Variants in SSBP3 observed in about 807,000 individuals in gnomAD.
SSBP3 encodes the protein single stranded DNA binding protein 3.
A neutral mutation model predicts 69.6 loss-of-function variants in SSBP3; 5 were observed. That is an observed-to-expected ratio of 0.07 (90% confidence interval 0.04 to 0.15). SSBP3 has a LOEUF of 0.15. Among genes scored for constraint, SSBP3 ranks in the 10% least tolerant of loss-of-function variants. SSBP3 has a pLI of 1.00. For synonymous variants in SSBP3, 196 were observed against 193.4 expected (o/e 1.01, Z -0.11); for missense variants, 312 against 534.0 (o/e 0.58, Z 4.10).
At chr1:54,253,924 T>G (rs588698) in intron 7 of SSBP3, among the ~76,000 whole-genome samples, 9,069 of 152,300 alleles carry the variant, frequency 0.06, 295 homozygotes, top group Non-Finnish European at 0.069. Flanking sequence ...GTGTCGGAAC[T>G]CCAGGAGCAA....
At chr1:54,329,888 G>C (rs1216035018) in intron 4 of SSBP3, among the ~76,000 whole-genome samples, 1 of 152,156 alleles carries the variant, frequency 6.6e-6, no homozygotes, top group Non-Finnish European at 1.5e-5. Context: ...GGAGGGGAGA[G>C]GAACACTGGA....
intron 4 of SSBP3, among the ~76,000 whole-genome samples, chr1:54,335,436 C>A (rs1267763471): frequency 6.6e-6 from 1 of 152,170 alleles, no homozygotes; most frequent in African/African-American, 2.4e-5. Flanking sequence ...AAACCACCTT[C>A]CAGACTCTGG....
At chr1:54,254,346 G>A (rs1408316030) in intron 7 of SSBP3, among the ~76,000 whole-genome samples, 1 of 152,176 alleles carries the variant, frequency 6.6e-6, no homozygotes, top group Non-Finnish European at 1.5e-5. Context: ...CCTCTGCCGA[G>A]ATGTGTGTGG....
At chr1:54,261,195 C>T (rs1411594403) in intron 5 of SSBP3, among the ~76,000 whole-genome samples, 1 of 152,202 alleles carries the variant, frequency 6.6e-6, no homozygotes, top group South Asian at 2.1e-4. Flanking sequence ...GGCAGAGATC[C>T]GTGTTTGTGG....
intron 5 of SSBP3, 148 bp downstream of exon 5, chr1:54,281,289 TG>T: frequency 1.6e-6 from 1 of 643,142 alleles, no homozygotes; most frequent in Non-Finnish European, 2.7e-6. Context: ...TTGAAAGGGA[TG>T]GGAAGGGAAG....
At chr1:54,300,546 C>T (rs1277497222) in intron 4 of SSBP3, among the ~76,000 whole-genome samples, 2 of 152,212 alleles carry the variant, frequency 1.3e-5, no homozygotes, top group African/African-American at 4.8e-5. Flanking sequence ...GAGTACCGCA[C>T]AGGCCTGTAC....
intron 5 of SSBP3, among the ~76,000 whole-genome samples, chr1:54,259,809 A>G (rs972744109): frequency 6.0e-4 from 92 of 152,220 alleles, no homozygotes; most frequent in African/African-American, 2.2e-3. Flanking sequence ...GGAGCTGCTC[A>G]CTTCCGGAAA....
chr1:54,312,947 G>A (rs1439833901), intron 4 of SSBP3, among the ~76,000 whole-genome samples: 1 of 152,088 alleles, frequency 6.6e-6, no homozygotes, highest in Non-Finnish European at 1.5e-5. Flanking sequence ...AGGAGGGGGT[G>A]GGATGGGAAG....
chr1:54,257,270 A>G, intron 6 of SSBP3, 84 bp from the exon 7 acceptor site: 1 of 1,245,178 alleles, frequency 8.0e-7, no homozygotes, highest in Non-Finnish European at 1.1e-6. Context: ...CACAAAGTCC[A>G]GTTTTGTTAT....
intron 4 of SSBP3, among the ~76,000 whole-genome samples, chr1:54,330,801 A>G (rs940048814): frequency 7.2e-5 from 11 of 152,314 alleles, no homozygotes; most frequent in African/African-American, 2.6e-4. Flanking sequence ...CCAGGCAGCA[A>G]AGAGACACCC....
At position 54,310,846 on chromosome 1, in the gene SSBP3, C is replaced by T. The variant is rs900164867; in HGVS notation, c.277-29319G>A. Among the ~76,000 whole-genome samples the T allele has an allele frequency of 2.0e-5, 3 of 152,198 alleles. No individual in the cohort carries two copies. The South Asian group carries it at 6.2e-4, about 32-fold the overall frequency. On this transcript the variant is annotated intron_variant, in intron 4 of 17. Coordinates refer to ENST00000610401, the Ensembl canonical transcript of SSBP3. Reference sequence around the variant, plus strand: ...GTGAGGATGGGGGGAGAACCACCCCCGCTTTATGCAGTGAGGGAGCTGAGC... The same window carrying T: ...GTGAGGATGGGGGGAGAACCACCCCTGCTTTATGCAGTGAGGGAGCTGAGC...
At chr1:54,402,084 C>G in intron 3 of SSBP3, 139 bp from the exon 4 acceptor site, 1 of 673,506 alleles carries the variant, frequency 1.5e-6, no homozygotes. Flanking sequence ...ATTGGGCAAA[C>G]AGCCTAGAAA....
At chr1:54,313,922 C>T (rs1014121105) in intron 4 of SSBP3, among the ~76,000 whole-genome samples, 4 of 146,090 alleles carry the variant, frequency 2.7e-5, no homozygotes, top group African/African-American at 1.1e-4. Flanking sequence ...GCCCACCACA[C>T]CTGGCTAATT....
intron 4 of SSBP3, among the ~76,000 whole-genome samples, chr1:54,288,757 AC>A (rs1645539267): frequency 6.6e-6 from 1 of 152,100 alleles, no homozygotes; most frequent in African/African-American, 2.4e-5. Context: ...GGTTCAAAAA[AC>A]AAAACCACAG....
chr1:54,268,081 G>A (rs574682386), intron 5 of SSBP3, among the ~76,000 whole-genome samples: 66 of 152,280 alleles, frequency 4.3e-4, no homozygotes, highest in African/African-American at 1.4e-3. Context: ...TGTGCCCCAC[G>A]GGGAGAGTCC....
intron 4 of SSBP3, among the ~76,000 whole-genome samples, chr1:54,305,607 G>T (rs11206327): frequency 0.075 from 10,504 of 140,834 alleles, 611 homozygotes; most frequent in South Asian, 0.2. Flanking sequence ...CCATCATTTA[G>T]TTATTTTTCT....
At chr1:54,242,949 C>A (rs546656810) in intron 10 of SSBP3, 33 of 346,972 alleles carry the variant, frequency 9.5e-5, no homozygotes, top group Non-Finnish European at 1.6e-4. Flanking sequence ...GACTCTGTCT[C>A]AAAAAAAATA....
Position 54,258,524 on chromosome 1 carries a change from C to A in SSBP3, c.367-375G>T, listed in dbSNP as rs1175359730. ...GTACAATGATGCACAGACACAGGGA[C>A]CCAGGTGCAAAGCACGTAGGTGCCG... On this transcript the variant is annotated intron_variant, in intron 5 of 17. Transcript: ENST00000610401. This position sits in a 1 kb window ranked among gnomAD's most constrained non-coding sequence, Gnocchi z 4.5. Among the ~76,000 whole-genome samples the A allele has an allele frequency of 6.6e-6, 1 of 152,132 alleles. No homozygotes were observed. Among genetic ancestry groups the A allele is most frequent in the African/African-American group, 2.4e-5 (1 of 41,422 alleles).
intron 4 of SSBP3, among the ~76,000 whole-genome samples, chr1:54,380,518 G>C (rs550804863): frequency 6.6e-6 from 1 of 152,230 alleles, no homozygotes; most frequent in African/African-American, 2.4e-5. Context: ...AAAACGGGAG[G>C]GGGAAAGAAG....
Sources: gnomAD v4.1 joint callset for allele counts (sites outside exome capture counted in the v4.1 genomes callset) on GRCh38, gnomAD v4.1.1 for gene constraint, Gnocchi (gnomAD v3.1) non-coding constraint, MANE v1.5 for transcripts, NCBI Gene and HGNC (gene_info 2026-07-23, HGNC 2026-07-21) for gene names.